The following PDHX variants were observed in gnomAD, a reference collection of about 807,000 sequenced individuals.
The protein encoded by PDHX is pyruvate dehydrogenase protein X component, mitochondrial.
Under a neutral mutation model 55.3 loss-of-function variants are expected in PDHX, and 33 were observed. The ratio of observed to expected loss-of-function variants is 0.60; its 90% confidence interval spans 0.45 to 0.80. The LOEUF is 0.80. PDHX is among the 30% of genes least tolerant of loss of function. The pLI is 0.00. For missense variants in PDHX, 622 were observed against 619.9 expected, an observed-to-expected ratio of 1.00 and a Z score of -0.04; for synonymous variants, 226 against 219.4, an observed-to-expected ratio of 1.03 and a Z score of -0.27.
At chr11:34,960,608 A>G in intron 5 of PDHX, 90 bp downstream of exon 5, 1 of 745,386 alleles carries the variant, frequency 1.3e-6, no homozygotes, top group East Asian at 2.8e-5. Context: ...ATTCAGTCTT[A>G]AGATTTAAAA....
intron 8 of PDHX, among the ~76,000 whole-genome samples, chr11:34,982,887 A>G (rs1211665221): frequency 6.6e-6 from 1 of 152,210 alleles, no homozygotes; most frequent in Non-Finnish European, 1.5e-5. Flanking sequence ...TATTCCAATC[A>G]ATAGAAAAAG....
Position 34,995,181 on chromosome 11 carries a change from G to T in PDHX, c.*9G>T. The T allele has an allele frequency of 6.2e-7, 1 of 1,613,542 alleles. No homozygotes were observed. Among genetic ancestry groups the T allele is most frequent in the East Asian group, 2.2e-5 (1 of 44,876 alleles). On this transcript the variant is annotated 3_prime_UTR_variant, in exon 11 of 11. Transcript: ENST00000227868. ...CTATCCGACTTGCCTAGTCCTCAAA[G>T]ATAAGAAGTTGGTGTTCAGCTTAGT...
At chr11:34,944,998 A>G (rs1590742055) in intron 2 of PDHX, among the ~76,000 whole-genome samples, 1 of 151,792 alleles carries the variant, frequency 6.6e-6, no homozygotes, top group East Asian at 1.9e-4. Context: ...TTAGATAATC[A>G]ACTTCTTATT....
intron 7 of PDHX, 90 bp downstream of exon 7, chr11:34,970,376 T>C (rs1855232260): frequency 4.0e-5 from 41 of 1,032,322 alleles, no homozygotes; most frequent in Middle Eastern, 3.0e-4. Context: ...AAAAGCTACA[T>C]TGTGTAGCTT....
chr11:34,959,510 C>G (rs1211441106), intron 4 of PDHX, among the ~76,000 whole-genome samples: 13 of 151,808 alleles, frequency 8.6e-5, no homozygotes. Flanking sequence ...GTGTAAAATG[C>G]TGCAGCTACT....
Position 34,931,472 on chromosome 11 carries a change from C to T in PDHX, c.229C>T (p.Leu77=). 6.3e-7 allele frequency: 1 copy of T among 1,593,192 alleles called. No individual in the cohort carries two copies. Among genetic ancestry groups the T allele is most frequent in the Non-Finnish European group, 8.6e-7 (1 of 1,162,906 alleles). Residue 77 remains leucine, a synonymous_variant, in exon 2 of 11, where the codon CTG becomes TTG. Coordinates refer to ENST00000227868, the MANE Select transcript of PDHX (RefSeq NM_003477.3). Reference sequence around the variant, plus strand: ...GGAAGAAGGAAACATTGTGAAATGGCTGAAAAAGGAAGGTGAGGAGGTACC... The same window carrying T: ...GGAAGAAGGAAACATTGTGAAATGGTTGAAAAAGGAAGGTGAGGAGGTACC... ...TMEEGNIVKW[L]KKEGEAVSAG...
intron 3 of PDHX, among the ~76,000 whole-genome samples, chr11:34,951,930 C>G (rs1276031483): frequency 6.6e-6 from 1 of 152,044 alleles, no homozygotes; most frequent in Non-Finnish European, 1.5e-5. Context: ...AGCCAGTTTT[C>G]CTAGCACCAT....
intron 7 of PDHX, among the ~76,000 whole-genome samples, chr11:34,973,269 A>G (rs1855294327): frequency 6.6e-6 from 1 of 152,098 alleles, no homozygotes; most frequent in African/African-American, 2.4e-5. Context: ...TCGTGTTTCT[A>G]TAGTATATCT....
chr11:34,938,777 CAT>C (rs756677020), intron 2 of PDHX, among the ~76,000 whole-genome samples: 73 of 152,188 alleles, frequency 4.8e-4, no homozygotes, highest in Non-Finnish European at 9.4e-4. Context: ...AGCCAGCAGA[CAT>C]ATGGTCTCAT....
At chr11:34,916,532 G>C (rs375130125), upstream of PDHX, 183,177 of 1,472,038 alleles carry the variant, frequency 0.12, 14,520 homozygotes, top group African/African-American at 0.39. Flanking sequence ...GGGGGCGGGG[G>C]TTCAAGTCTG....
intron 2 of PDHX, among the ~76,000 whole-genome samples, chr11:34,943,307 G>T (rs1854535938): frequency 6.6e-6 from 1 of 152,188 alleles, no homozygotes; most frequent in Non-Finnish European, 1.5e-5. Flanking sequence ...ACAAAATTAT[G>T]TAGGTCAAGT....
chr11:34,983,421 G>C (rs1040847142), intron 8 of PDHX, among the ~76,000 whole-genome samples: 1 of 152,130 alleles, frequency 6.6e-6, no homozygotes, highest in Non-Finnish European at 1.5e-5. Context: ...AAGTTCTGGC[G>C]AGGGCAATCA....
chr11:34,988,479 C>T (rs1186831332), intron 9 of PDHX, among the ~76,000 whole-genome samples: 1 of 151,854 alleles, frequency 6.6e-6, no homozygotes, highest in African/African-American at 2.4e-5. Context: ...TTTGCTGCTT[C>T]CCACATACTA....
intron 2 of PDHX, among the ~76,000 whole-genome samples, chr11:34,933,772 G>A (rs1223120463): frequency 6.6e-6 from 1 of 152,118 alleles, no homozygotes; most frequent in Admixed American, 6.5e-5. Context: ...CAGAAAGCAA[G>A]GAAGCTGTCA....
At chr11:34,975,682 TC>T (rs1855352897) in intron 7 of PDHX, among the ~76,000 whole-genome samples, 1 of 152,182 alleles carries the variant, frequency 6.6e-6, no homozygotes, top group Non-Finnish European at 1.5e-5. Context: ...GGTATTTACT[TC>T]CTGTGTTTGT....
chr11:34,951,561 A>C (rs1429856433), intron 3 of PDHX, among the ~76,000 whole-genome samples: 1 of 151,624 alleles, frequency 6.6e-6, no homozygotes, highest in South Asian at 2.1e-4. Context: ...TTTTCTTGTA[A>C]ATTTGTTTGA....
intron 6 of PDHX, among the ~76,000 whole-genome samples, chr11:34,967,676 G>A (rs1855166356): frequency 6.6e-6 from 1 of 151,980 alleles, no homozygotes; most frequent in African/African-American, 2.4e-5. Flanking sequence ...ATGTAGGATA[G>A]CCCAGTTTAT....
At chr11:34,929,104 C>T (rs1427929153) in intron 1 of PDHX, among the ~76,000 whole-genome samples, 3 of 152,014 alleles carry the variant, frequency 2.0e-5, no homozygotes, top group African/African-American at 4.8e-5. Context: ...TCCAAAATAA[C>T]GGTGTTTCGT....
rs919641821 is a variant in PDHX at position 34,933,180 on chromosome 11, A to G, written c.241+1696A>G. Among the ~76,000 whole-genome samples the G allele has an allele frequency of 3.9e-5, 6 of 152,206 alleles. No homozygotes were observed. The East Asian group carries it at 7.7e-4, about 20-fold the overall frequency. Reference sequence around the variant, plus strand: ...TGGGACAATATACATATCTTGCACAATTTTAAAACAAAATTAAAGTGTAAA... The same window carrying G: ...TGGGACAATATACATATCTTGCACAGTTTTAAAACAAAATTAAAGTGTAAA... On this transcript the variant is annotated intron_variant, in intron 2 of 10. Transcript: ENST00000227868.
Sources: gnomAD v4.1 joint callset for allele counts (sites outside exome capture counted in the v4.1 genomes callset) on GRCh38, gnomAD v4.1.1 for gene constraint, MANE v1.5 for transcripts, NCBI Gene and HGNC (gene_info 2026-07-23, HGNC 2026-07-21) for gene names.